Variants in RBM19 observed in about 807,000 individuals in gnomAD.
RBM19 encodes RNA binding motif protein 19.
RBM19 carries 94 observed loss-of-function variants against 116.8 expected under a neutral mutation model. That is an observed-to-expected ratio of 0.80 (90% CI 0.68 to 0.95). RBM19 has a LOEUF of 0.95. Among genes scored for constraint, RBM19 ranks in the 40% least tolerant of loss-of-function variants. The pLI is 0.00. For missense variants in RBM19, 1,161 were observed against 1,220.7 expected (o/e 0.95, Z 0.73); for synonymous variants, 475 against 494.1 (o/e 0.96, Z 0.51).
At chr12:113,964,609 C>G (rs1039008501) in intron 1 of RBM19, among the ~76,000 whole-genome samples, 1 of 152,150 alleles carries the variant, frequency 6.6e-6, no homozygotes, top group Non-Finnish European at 1.5e-5. Context: ...TTTAAGTATA[C>G]TACTCAGAGA....
chr12:113,858,352 AAAGG>A (rs1475449025), intron 22 of RBM19, among the ~76,000 whole-genome samples: 5 of 152,188 alleles, frequency 3.3e-5, no homozygotes, highest in Non-Finnish European at 7.4e-5. Context: ...TGAGCGGAAA[AAAGG>A]AAGGGGAAGA....
rs574242079 is a variant in RBM19 at position 113,955,518 on chromosome 12, C to T, written c.841-307G>A. On this transcript the variant is annotated intron_variant, in intron 6 of 23. Transcript: ENST00000261741. ...GGGAATGTGAAGGAGCCCTGAAGAA[C>T]GGGGTGTCAGTACCACTATGTAGGG... Among the ~76,000 whole-genome samples the T allele has an allele frequency of 3.3e-5, 5 of 152,094 alleles. No homozygotes were observed. The South Asian group carries it at 1.0e-3, about 32-fold the overall frequency.
At chr12:113,843,392 C>A (rs571632528) in intron 23 of RBM19, among the ~76,000 whole-genome samples, 10 of 152,252 alleles carry the variant, frequency 6.6e-5, no homozygotes, top group Non-Finnish European at 1.3e-4. Flanking sequence ...GACCTGGGAC[C>A]CAGGCGACAA....
intron 19 of RBM19, 57 bp from the exon 20 acceptor site, chr12:113,918,504 C>A: frequency 6.3e-7 from 1 of 1,582,522 alleles, no homozygotes; most frequent in Non-Finnish European, 8.7e-7. Context: ...TCACCCGAAT[C>A]CTTGCCCTTC....
chr12:113,961,100 G>A (rs1404323090), intron 2 of RBM19, among the ~76,000 whole-genome samples: 1 of 152,222 alleles, frequency 6.6e-6, no homozygotes, highest in African/African-American at 2.4e-5. Context: ...ATAGCTCACT[G>A]CAGCCTCAAA....
At chr12:113,842,197 G>A (rs922306063) in intron 23 of RBM19, among the ~76,000 whole-genome samples, 11 of 152,190 alleles carry the variant, frequency 7.2e-5, no homozygotes, top group Admixed American at 3.3e-4. Flanking sequence ...CGAGGCAATA[G>A]TGCTGTCTTT....
At chr12:113,881,273 C>T (rs1880107233) in intron 21 of RBM19, among the ~76,000 whole-genome samples, 1 of 152,190 alleles carries the variant, frequency 6.6e-6, no homozygotes. Flanking sequence ...CCTCAGAGCT[C>T]TGGCTCCCCT....
At chr12:113,926,701 T>C (rs1271437012) in intron 17 of RBM19, among the ~76,000 whole-genome samples, 1 of 152,238 alleles carries the variant, frequency 6.6e-6, no homozygotes, top group African/African-American at 2.4e-5. Context: ...GGCTTCTCCA[T>C]TATTCCCAGC....
In RBM19 at chr12:113,914,844, C is replaced by T. The variant is rs1882668919; in HGVS notation, c.2558+125G>A. On this transcript the variant is annotated intron_variant, in intron 21 of 23. Transcript: ENST00000261741. ...TAAATCAAAAGCAGCCAAAAGATGACCTTTGAAAGACCACTGTGCCGGCCT... is the reference window on the plus strand; with the variant it reads ...TAAATCAAAAGCAGCCAAAAGATGATCTTTGAAAGACCACTGTGCCGGCCT... 3.7e-6 allele frequency: 3 copies of T among 807,476 alleles called. No homozygotes were observed. The East Asian group carries it at 7.3e-5, about 20-fold the overall frequency. 50.0% of individuals were successfully genotyped at this position (807,476 alleles called of 1,614,324 possible).
chr12:113,918,313 G>T, intron 20 of RBM19, 79 bp downstream of exon 20: 4 of 1,404,134 alleles, frequency 2.8e-6, no homozygotes, highest in African/African-American at 1.4e-5. Flanking sequence ...AGGGTTGTGA[G>T]ACAGCCTCCA....
intron 14 of RBM19, among the ~76,000 whole-genome samples, chr12:113,940,932 TAA>T (rs1447258341): frequency 6.6e-6 from 1 of 152,140 alleles, no homozygotes; most frequent in Non-Finnish European, 1.5e-5. Flanking sequence ...AAGTTTTCAT[TAA>T]ATGGGTTAGT....
intron 8 of RBM19, among the ~76,000 whole-genome samples, chr12:113,951,382 C>T (rs1871447112): frequency 6.6e-6 from 1 of 152,102 alleles, no homozygotes. Context: ...TGCCATAAAA[C>T]CAAGGGTACC....
At chr12:113,895,371 T>C (rs897932696) in intron 21 of RBM19, among the ~76,000 whole-genome samples, 1 of 152,044 alleles carries the variant, frequency 6.6e-6, no homozygotes, top group Non-Finnish European at 1.5e-5. Flanking sequence ...CTCTCAACCA[T>C]ACAACATGCC....
chr12:113,818,234 A>AAAAG (rs1565953186), downstream of RBM19: 5 of 152,178 alleles, frequency 3.3e-5, no homozygotes, highest in Non-Finnish European at 7.3e-5. Flanking sequence ...AAAAAAAAAA[A>AAAAG]AAAGAAAGGG....
chr12:113,959,996 A>T, intron 3 of RBM19, 63 bp downstream of exon 3: 1 of 1,613,928 alleles, frequency 6.2e-7, no homozygotes, highest in Non-Finnish European at 8.5e-7. Flanking sequence ...ATCTTTGGGA[A>T]CCAAAAGTGA....
chr12:113,906,004 T>C (rs1465050886), intron 21 of RBM19, among the ~76,000 whole-genome samples: 1 of 152,088 alleles, frequency 6.6e-6, no homozygotes, highest in Non-Finnish European at 1.5e-5. Context: ...CAGAACACCA[T>C]AAACTGACCG....
At chr12:113,846,050 T>A (rs1397364985) in intron 22 of RBM19, among the ~76,000 whole-genome samples, 1 of 152,252 alleles carries the variant, frequency 6.6e-6, no homozygotes, top group African/African-American at 2.4e-5. Flanking sequence ...TACTTCTCGT[T>A]GCTGTTGTTT....
At chr12:113,920,817 C>T (rs1036483037) in intron 18 of RBM19, 127 bp from the exon 19 acceptor site, 3 of 823,896 alleles carry the variant, frequency 3.6e-6, no homozygotes, top group Non-Finnish European at 2.0e-6. Context: ...TTCATTCCCC[C>T]CAAAAATCTC....
rs1000157775 is a variant in RBM19, at chr12:113,844,587, C to T, written c.2785+81G>A. On this transcript the variant is annotated intron_variant, in intron 23 of 23. Coordinates refer to ENST00000261741, the MANE Select transcript of RBM19 (RefSeq NM_016196.4). Reference sequence around the variant, plus strand: ...TGCCCATAGCCTGCTGGGTCGAGGGCAGTTCTCTCAGATGTCCCACCCACC... The same window carrying T: ...TGCCCATAGCCTGCTGGGTCGAGGGTAGTTCTCTCAGATGTCCCACCCACC... The T allele has an allele frequency of 4.0e-6, 6 of 1,512,862 alleles. No individual in the cohort carries two copies. The East Asian group carries it at 1.4e-4, about 36-fold the overall frequency. 93.7% of individuals were successfully genotyped at this position (1,512,862 alleles called of 1,614,324 possible).
Sources: allele counts gnomAD v4.1 joint callset (sites outside exome capture counted in the v4.1 genomes callset), GRCh38; gene constraint gnomAD v4.1.1; transcripts MANE v1.5; gene names NCBI Gene and HGNC (gene_info 2026-07-23, HGNC 2026-07-21).